The following KCNMB2 variants were observed in gnomAD, a reference collection of about 807,000 sequenced individuals.
KCNMB2 encodes the protein calcium-activated potassium channel subunit beta-2.
KCNMB2 carries 9 observed loss-of-function variants against 24.5 expected under a neutral mutation model. The observed-to-expected ratio is 0.37, with a 90% CI of 0.22 to 0.64. The LOEUF (loss-of-function observed/expected upper bound fraction) is 0.64. Among genes scored for constraint, KCNMB2 ranks in the 30% least tolerant of loss-of-function variants. The probability of loss-of-function intolerance (pLI) is 0.63; values close to 1 mark genes in which losing one functional copy is unlikely to be tolerated. For missense variants in KCNMB2, 226 were observed against 284.3 expected (o/e 0.79, Z 1.47); for synonymous variants, 109 against 104.4 (o/e 1.04, Z -0.27).
rs147060417 is a variant in KCNMB2 at position 178,538,149 on chromosome 3, C to T, written c.-68+1438C>T. Among the ~76,000 whole-genome samples, 13 of 152,242 alleles carry T rather than the reference C, an allele frequency of 8.5e-5. No individual in the cohort carries two copies. In the East Asian group the frequency reaches 2.5e-3, roughly 29 times the overall value. On this transcript the variant is annotated intron_variant, in intron 1 of 4. Transcript: ENST00000452583. The stretch of plus-strand genomic sequence containing the variant: ...GAAATCATTGCCCCATAGTAGATGG[C>T]ATCTATGTTACAGTTTCCTGTTTGT...
At chr3:178,600,312 C>T (rs1000929940) in intron 1 of KCNMB2, among the ~76,000 whole-genome samples, 1 of 152,072 alleles carries the variant, frequency 6.6e-6, no homozygotes, top group African/African-American at 2.4e-5. Context: ...ATTCATTTGT[C>T]CATCAACAAG....
At chr3:178,814,577 A>C (rs1714330512) in intron 2 of KCNMB2, among the ~76,000 whole-genome samples, 1 of 152,204 alleles carries the variant, frequency 6.6e-6, no homozygotes, top group Admixed American at 6.5e-5. Flanking sequence ...ATAGAGGTTG[A>C]ACTAAGTTAC....
chr3:178,663,885 C>T (rs142026099), intron 1 of KCNMB2, among the ~76,000 whole-genome samples: 26 of 152,166 alleles, frequency 1.7e-4, no homozygotes, highest in Non-Finnish European at 1.8e-4. Context: ...AGTACTGTAG[C>T]TGAAACACTG....
intron 1 of KCNMB2, among the ~76,000 whole-genome samples, chr3:178,629,495 G>A (rs1719236653): frequency 1.3e-5 from 2 of 152,042 alleles, no homozygotes; most frequent in Admixed American, 1.3e-4. Flanking sequence ...AGAATGGGGT[G>A]GTTGCAAGGC....
chr3:178,703,090 T>C (rs1329776836), intron 1 of KCNMB2, among the ~76,000 whole-genome samples: 1 of 152,028 alleles, frequency 6.6e-6, no homozygotes, highest in Non-Finnish European at 1.5e-5. Flanking sequence ...GGATGATTAA[T>C]ATTAACAGGA....
intron 1 of KCNMB2, among the ~76,000 whole-genome samples, chr3:178,688,590 CAG>C (rs775590754): frequency 2.2e-4 from 33 of 152,212 alleles, no homozygotes; most frequent in Admixed American, 5.9e-4. Flanking sequence ...ATACATATCC[CAG>C]AGGCCTGAAA....
intron 4 of KCNMB2, among the ~76,000 whole-genome samples, chr3:178,832,256 T>A (rs1183141340): frequency 2.0e-5 from 3 of 152,036 alleles, no homozygotes; most frequent in Non-Finnish European, 4.4e-5. Flanking sequence ...AAGTTGGCTA[T>A]TTTTTTTCCA....
intron 1 of KCNMB2, among the ~76,000 whole-genome samples, chr3:178,650,489 G>A (rs1397022662): frequency 1.3e-5 from 2 of 151,954 alleles, no homozygotes; most frequent in African/African-American, 4.8e-5. Context: ...TTTTGTAGGT[G>A]TCTAAGATCT....
At chr3:178,782,835 C>T (rs1454026505) in intron 1 of KCNMB2, among the ~76,000 whole-genome samples, 266 of 151,626 alleles carry the variant, frequency 1.8e-3, no homozygotes, top group African/African-American at 6.1e-3. Flanking sequence ...GTTGCCATTG[C>T]TTTTGGTGTT....
intron 1 of KCNMB2, among the ~76,000 whole-genome samples, chr3:178,654,126 T>C (rs1049694505): frequency 1.3e-5 from 2 of 152,202 alleles, no homozygotes; most frequent in East Asian, 3.8e-4. Flanking sequence ...CTTATTGGCA[T>C]GCAGTGTTTT....
At chr3:178,756,988 G>C (rs1328556094) in intron 1 of KCNMB2, 1 of 151,852 alleles carries the variant, frequency 6.6e-6, no homozygotes, top group South Asian at 2.1e-4. Context: ...ATGGGAAGAA[G>C]TGGCACTAAA....
At chr3:178,754,286 A>G (rs1723954402) in intron 1 of KCNMB2, among the ~76,000 whole-genome samples, 1 of 151,304 alleles carries the variant, frequency 6.6e-6, no homozygotes, top group Non-Finnish European at 1.5e-5. Context: ...TAATGCTTCA[A>G]TGAACACAAG....
chr3:178,839,433 G>A (rs1433869439), intron 4 of KCNMB2, among the ~76,000 whole-genome samples: 1 of 152,140 alleles, frequency 6.6e-6, no homozygotes, highest in Admixed American at 6.5e-5. Flanking sequence ...AAGCCAGGTG[G>A]GGGTTGAGGG....
At chr3:178,738,444 A>T (rs1476850250) in intron 1 of KCNMB2, among the ~76,000 whole-genome samples, 1 of 152,158 alleles carries the variant, frequency 6.6e-6, no homozygotes, top group Non-Finnish European at 1.5e-5. Flanking sequence ...TCAGAATACT[A>T]CCAAAGATCC....
intron 1 of KCNMB2, among the ~76,000 whole-genome samples, chr3:178,775,136 A>C (rs1361992416): frequency 6.6e-6 from 1 of 152,254 alleles, no homozygotes; most frequent in East Asian, 1.9e-4. Context: ...ACCAAGAACT[A>C]ATATATGATT....
At chr3:178,563,381 T>G (rs1178649061) in intron 1 of KCNMB2, among the ~76,000 whole-genome samples, 1 of 152,164 alleles carries the variant, frequency 6.6e-6, no homozygotes, top group Non-Finnish European at 1.5e-5. Context: ...GTTTCTGTGG[T>G]GGGTAGCTGG....
chr3:178,568,802 G>GATAA (rs1218851751), intron 1 of KCNMB2, among the ~76,000 whole-genome samples: 10 of 54,840 alleles, frequency 1.8e-4, no homozygotes, highest in African/African-American at 6.2e-4. Context: ...TAGATAGATA[G>GATAA]ATAGATAGAT....
chr3:178,678,000 G>T (rs1721129437), intron 1 of KCNMB2, among the ~76,000 whole-genome samples: 1 of 152,094 alleles, frequency 6.6e-6, no homozygotes, highest in South Asian at 2.1e-4. Flanking sequence ...ATAAAAGAAG[G>T]ACACGAAGGC....
At chr3:178,599,843 C>G (rs573222501) in intron 1 of KCNMB2, among the ~76,000 whole-genome samples, 1 of 152,238 alleles carries the variant, frequency 6.6e-6, no homozygotes, top group African/African-American at 2.4e-5. Context: ...ATACCTCATA[C>G]AAGACATATT....
Sources: gnomAD v4.1 joint callset for allele counts (sites outside exome capture counted in the v4.1 genomes callset) on GRCh38, gnomAD v4.1.1 for gene constraint, MANE v1.5 for transcripts, NCBI Gene and HGNC (gene_info 2026-07-23, HGNC 2026-07-21) for gene names.